IQCM: variants seen among roughly 807,000 people sequenced by gnomAD.
IQCM encodes the protein IQ domain-containing protein M.
Under a neutral mutation model 57.6 loss-of-function variants are expected in IQCM, and 45 were observed. That is an observed-to-expected ratio of 0.78 (90% CI 0.62 to 1.00). IQCM has a LOEUF of 1.00. Ranked by LOEUF, IQCM falls within the 50% of genes least tolerant of loss-of-function variation. IQCM has a pLI of 0.00. For synonymous variants in IQCM, 148 were observed against 158.9 expected (o/e 0.93, Z 0.51); for missense variants, 468 against 511.6 (o/e 0.91, Z 0.82).
At chr4:149,370,894 A>C (rs1325222030) in intron 13 of IQCM, among the ~76,000 whole-genome samples, 1 of 152,196 alleles carries the variant, frequency 6.6e-6, no homozygotes, top group East Asian at 1.9e-4. Flanking sequence ...TTCTTTATAG[A>C]TAAATCAGAT....
intron 13 of IQCM, among the ~76,000 whole-genome samples, chr4:149,424,041 C>A (rs986491906): frequency 6.6e-6 from 1 of 151,814 alleles, no homozygotes; most frequent in African/African-American, 2.4e-5. Context: ...CTATAGTAAT[C>A]CTTCATGTAC....
chr4:149,567,184 A>C (rs1195845297), intron 9 of IQCM, among the ~76,000 whole-genome samples: 1 of 151,818 alleles, frequency 6.6e-6, no homozygotes, highest in African/African-American at 2.4e-5. Flanking sequence ...TTTGTGACTT[A>C]TTTGCAAAGT....
chr4:149,443,044 C>G (rs1736131576), intron 12 of IQCM, among the ~76,000 whole-genome samples: 1 of 150,784 alleles, frequency 6.6e-6, no homozygotes, highest in African/African-American at 2.4e-5. Context: ...GCTTGACTAG[C>G]CAAGTCCTAA....
intron 7 of IQCM, among the ~76,000 whole-genome samples, chr4:149,667,444 G>A (rs1760835750): frequency 6.6e-6 from 1 of 152,072 alleles, no homozygotes; most frequent in Non-Finnish European, 1.5e-5. Flanking sequence ...CAGCAAAGAG[G>A]AAAGGTAGAT....
In IQCM at chr4:149,732,010, T is replaced by C. The variant is rs376867853; in HGVS notation, c.385+1234A>G. ...TTCCCTACTGCCCTAATTTAGGCCC[T>C]GTCATCTCTCACCTGGACAGCCTCC... On this transcript the variant is annotated intron_variant, in intron 5 of 13. Coordinates refer to ENST00000636793, the MANE Select transcript of IQCM (RefSeq NM_001363507.2). Among the ~76,000 whole-genome samples, 20 of 152,248 alleles carry C rather than the reference T, an allele frequency of 1.3e-4. No individual in the cohort carries two copies. The East Asian group carries it at 3.9e-3, about 29-fold the overall frequency.
chr4:149,428,702 T>C (rs915651276), intron 13 of IQCM, among the ~76,000 whole-genome samples: 1 of 151,832 alleles, frequency 6.6e-6, no homozygotes, highest in East Asian at 1.9e-4. Flanking sequence ...ATTTAGCAAA[T>C]GTGTATCAAG....
intron 2 of IQCM, among the ~76,000 whole-genome samples, chr4:149,786,910 A>G (rs944090067): frequency 2.6e-5 from 4 of 152,220 alleles, no homozygotes; most frequent in Admixed American, 6.5e-5. Flanking sequence ...TTACAACAGC[A>G]AAGACATGGA....
chr4:149,741,465 C>A (rs558790323), intron 3 of IQCM, among the ~76,000 whole-genome samples: 1 of 152,260 alleles, frequency 6.6e-6, no homozygotes, highest in South Asian at 2.1e-4. Flanking sequence ...CAAAATGGAA[C>A]TAGAGAATAT....
At chr4:149,810,897 A>G (rs931450957) in intron 2 of IQCM, among the ~76,000 whole-genome samples, 17 of 152,078 alleles carry the variant, frequency 1.1e-4, no homozygotes, top group African/African-American at 3.6e-4. Context: ...TGTATGAATG[A>G]TATTTCATTC....
chr4:149,591,325 T>A (rs766017436), intron 8 of IQCM, among the ~76,000 whole-genome samples: 5 of 152,072 alleles, frequency 3.3e-5, no homozygotes, highest in Non-Finnish European at 1.5e-5. Flanking sequence ...ACCATAAACC[T>A]TTAGCCTTCA....
At chr4:149,357,424 T>G (rs1157709580) in intron 13 of IQCM, among the ~76,000 whole-genome samples, 1 of 152,190 alleles carries the variant, frequency 6.6e-6, no homozygotes. Context: ...GTCCCATCAA[T>G]ACCTAATTTA....
intron 7 of IQCM, among the ~76,000 whole-genome samples, chr4:149,678,445 A>C (rs1324894868): frequency 1.3e-5 from 2 of 151,878 alleles, no homozygotes; most frequent in African/African-American, 2.4e-5. Flanking sequence ...TACAGTTCTA[A>C]TATAAAAAAC....
intron 5 of IQCM, among the ~76,000 whole-genome samples, chr4:149,708,607 A>C (rs1764334973): frequency 6.6e-6 from 1 of 151,976 alleles, no homozygotes; most frequent in African/African-American, 2.4e-5. Context: ...CAAATTCCTG[A>C]TTAGGATCAT....
At chr4:149,736,661 C>T (rs531044314) in intron 3 of IQCM, among the ~76,000 whole-genome samples, 5 of 152,076 alleles carry the variant, frequency 3.3e-5, no homozygotes, top group Non-Finnish European at 4.4e-5. Flanking sequence ...CTCACCAAAA[C>T]GGCTAAAATT....
At chr4:149,599,909 T>C (rs964183378) in intron 8 of IQCM, among the ~76,000 whole-genome samples, 1 of 152,150 alleles carries the variant, frequency 6.6e-6, no homozygotes, top group African/African-American at 2.4e-5. Flanking sequence ...AGAAATGAAT[T>C]TCCATTTTAT....
At chr4:149,810,183 G>A (rs917123741) in intron 2 of IQCM, among the ~76,000 whole-genome samples, 2 of 151,724 alleles carry the variant, frequency 1.3e-5, no homozygotes, top group Non-Finnish European at 2.9e-5. Flanking sequence ...CCAGGAGTTC[G>A]AGACCAGCCT....
intron 13 of IQCM, among the ~76,000 whole-genome samples, chr4:149,385,548 C>G (rs1731366546): frequency 6.6e-6 from 1 of 152,040 alleles, no homozygotes. Flanking sequence ...AAGCCAAAAC[C>G]TTTCTCCTAA....
At chr4:149,570,834 G>A (rs1275012660) in intron 9 of IQCM, among the ~76,000 whole-genome samples, 1 of 151,950 alleles carries the variant, frequency 6.6e-6, no homozygotes, top group Non-Finnish European at 1.5e-5. Flanking sequence ...AACATGGGCA[G>A]AGCATTCAAA....
chr4:149,674,015 TG>T (rs1332825554), intron 7 of IQCM, among the ~76,000 whole-genome samples: 1 of 152,154 alleles, frequency 6.6e-6, no homozygotes, highest in African/African-American at 2.4e-5. Context: ...CTTGCCAGTT[TG>T]GTCAGGTTTT....
Sources: gnomAD v4.1 joint callset for allele counts (sites outside exome capture counted in the v4.1 genomes callset) on GRCh38, gnomAD v4.1.1 for gene constraint, MANE v1.5 for transcripts, NCBI Gene and HGNC (gene_info 2026-07-23, HGNC 2026-07-21) for gene names.